CRACR2A: variants seen among roughly 807,000 people sequenced by gnomAD.
The protein encoded by CRACR2A is calcium release activated channel regulator 2A.
Under a neutral mutation model 90.5 loss-of-function variants are expected in CRACR2A, and 79 were observed. That is an observed-to-expected ratio of 0.87 (90% CI 0.73 to 1.05). The LOEUF (loss-of-function observed/expected upper bound fraction) is 1.05, where lower values mean the gene tolerates loss of function less well. Among genes scored for constraint, CRACR2A ranks in the 50% least tolerant of loss-of-function variants. The pLI is 0.00. For missense variants in CRACR2A, 823 were observed against 897.2 expected, an observed-to-expected ratio of 0.92 and a Z score of 1.06; for synonymous variants, 338 against 356.7, an observed-to-expected ratio of 0.95 and a Z score of 0.59.
Position 3,656,355 on chromosome 12 carries a change from A to C in CRACR2A, c.814T>G (p.Cys272Gly). The change falls in exon 9 of 20, where the codon TGT becomes GGT. Residue 272 changes from cysteine to glycine, a missense_variant. Cys to Gly is a radical substitution (Grantham distance 159). Coordinates refer to ENST00000440314, the MANE Select transcript of CRACR2A (RefSeq NM_001144958.2). ...AGCTGCTCCAGCTCCTGCTCCTTACATAACAGTTTCTGCTCCAGCTCTTGA... is the reference window on the plus strand; with the variant it reads ...AGCTGCTCCAGCTCCTGCTCCTTACCTAACAGTTTCTGCTCCAGCTCTTGA... ...RSQELEQKLL[C>G]KEQELEQLTQ... 1 of 1,614,094 alleles carries C rather than the reference A, an allele frequency of 6.2e-7. No homozygotes were observed. The highest frequency in any genetic ancestry group is 8.5e-7 in the Non-Finnish European group (1 of 1,180,026).
chr12:3,662,046 A>C (rs1945048449), intron 7 of CRACR2A, among the ~76,000 whole-genome samples: 1 of 152,200 alleles, frequency 6.6e-6, no homozygotes, highest in African/African-American at 2.4e-5. Flanking sequence ...TTATTTTACA[A>C]ACCACTAAAA....
intron 12 of CRACR2A, among the ~76,000 whole-genome samples, chr12:3,642,527 G>T (rs1226581188): frequency 6.6e-6 from 1 of 152,050 alleles, no homozygotes; most frequent in Non-Finnish European, 1.5e-5. Flanking sequence ...ATAGAAAAAA[G>T]AAAAAATATT....
intron 15 of CRACR2A, 129 bp from the exon 16 acceptor site, chr12:3,627,835 G>A (rs575520176): frequency 3.3e-6 from 3 of 915,892 alleles, no homozygotes; most frequent in African/African-American, 1.6e-5. Context: ...TGTGCAGCTC[G>A]TGGGAGGCAA....
At position 3,649,773 on chromosome 12, in the gene CRACR2A, A is replaced by G. The variant is rs1364109848; in HGVS notation, c.1047-1160T>C. ...AAATAGTTGTAGGAAGAAAGAAAAG[A>G]GAGAGAGTAAAAGAGGTGAGGGGGA... On this transcript the variant is annotated intron_variant, in intron 10 of 19. Transcript: ENST00000440314. Among the ~76,000 whole-genome samples, 3 of 151,788 alleles carry G rather than the reference A, an allele frequency of 2.0e-5. No individual in the cohort carries two copies. In the East Asian group the frequency reaches 5.8e-4, roughly 29 times the overall value.
intron 2 of CRACR2A, among the ~76,000 whole-genome samples, chr12:3,713,871 C>T (rs1946043942): frequency 6.6e-6 from 1 of 152,180 alleles, no homozygotes; most frequent in Non-Finnish European, 1.5e-5. Flanking sequence ...GGATGGGCTT[C>T]CTTGCACAGG....
chr12:3,619,378 G>A lies in CRACR2A; in HGVS notation c.1933-6C>T. The A allele has an allele frequency of 6.4e-7, 1 of 1,551,046 alleles. No homozygotes were observed. Among genetic ancestry groups the A allele is most frequent in the Non-Finnish European group, 8.7e-7 (1 of 1,146,488 alleles). On this transcript the variant is annotated splice_region_variant and splice_polypyrimidine_tract_variant and intron_variant, in intron 17 of 19. Transcript: ENST00000440314. The stretch of plus-strand genomic sequence containing the variant: ...ACCCGGTCTCCCACAGCTTCCTGCA[G>A]AACAGAAAATGTTTTCAACTGAGAG...
chr12:3,677,003 T>G (rs1020990371), intron 6 of CRACR2A, among the ~76,000 whole-genome samples: 1 of 152,066 alleles, frequency 6.6e-6, no homozygotes. Flanking sequence ...CAACTTTTGA[T>G]GAAAAACAAG....
intron 1 of CRACR2A, among the ~76,000 whole-genome samples, chr12:3,747,404 G>T (rs1334239956): frequency 6.6e-6 from 1 of 152,196 alleles, no homozygotes. Flanking sequence ...TTCCGTCTTT[G>T]GTCAAGGTGG....
At chr12:3,641,631 C>T in intron 13 of CRACR2A, 101 bp downstream of exon 13, 1 of 995,698 alleles carries the variant, frequency 1.0e-6, no homozygotes, top group South Asian at 1.5e-5. Flanking sequence ...ACCTCAGTTT[C>T]CGCACCTCTC....
chr12:3,717,402 T>C (rs950354637), intron 2 of CRACR2A, among the ~76,000 whole-genome samples: 5 of 152,186 alleles, frequency 3.3e-5, no homozygotes, highest in African/African-American at 1.2e-4. Flanking sequence ...TGCTTGCATA[T>C]ATCCATACGC....
At chr12:3,643,585 T>G (rs1408254540) in intron 12 of CRACR2A, among the ~76,000 whole-genome samples, 1 of 150,700 alleles carries the variant, frequency 6.6e-6, no homozygotes, top group Admixed American at 6.7e-5. Context: ...GGCTCCTGTC[T>G]AAAGGGAAAG....
intron 2 of CRACR2A, among the ~76,000 whole-genome samples, chr12:3,724,554 G>A (rs1370182687): frequency 6.6e-6 from 1 of 152,224 alleles, no homozygotes; most frequent in Non-Finnish European, 1.5e-5. Context: ...TCTAAGCATA[G>A]GAGAAAATGG....
Position 3,668,198 on chromosome 12 carries a change from T to C in CRACR2A, c.671+5248A>G, listed in dbSNP as rs1024545644. ...TAGATTAAGTCACAACCTCGTCACCTAGAGTCCTCGCCGAGAACTTCACCC... is the reference window on the plus strand; with the variant it reads ...TAGATTAAGTCACAACCTCGTCACCCAGAGTCCTCGCCGAGAACTTCACCC... On this transcript the variant is annotated intron_variant, in intron 7 of 19. Transcript: ENST00000440314. 2.0e-5 allele frequency among the ~76,000 whole-genome samples: 3 copies of C among 152,184 alleles called. No homozygotes were observed. The East Asian group carries it at 5.8e-4, about 29-fold the overall frequency.
intron 18 of CRACR2A, 26 bp from the exon 19 acceptor site, chr12:3,617,056 C>T (rs1867700267): frequency 2.0e-6 from 3 of 1,529,476 alleles, no homozygotes; most frequent in East Asian, 4.9e-5. Flanking sequence ...AGAGCGAATA[C>T]AAGAGTATTG....
chr12:3,679,629 G>T (rs1030299773), intron 5 of CRACR2A, among the ~76,000 whole-genome samples: 4 of 152,180 alleles, frequency 2.6e-5, no homozygotes, highest in Non-Finnish European at 5.9e-5. Context: ...GTCAGGAAAG[G>T]CATCAGATAC....
chr12:3,737,903 C>T (rs60731754), intron 1 of CRACR2A, among the ~76,000 whole-genome samples: 1,533 of 152,330 alleles, frequency 0.01, 27 homozygotes, highest in African/African-American at 0.035. Flanking sequence ...AGCCTCTCAT[C>T]GATAAAATGA....
chr12:3,640,824 C>T (rs2137374781), intron 13 of CRACR2A: 2 of 1,303,140 alleles, frequency 1.5e-6, no homozygotes, highest in Non-Finnish European at 2.0e-6. Context: ...GGGCAGGGGA[C>T]TGGTTTGTCT....
intron 2 of CRACR2A, among the ~76,000 whole-genome samples, chr12:3,720,361 AAGAG>A (rs1179411819): frequency 4.1e-4 from 55 of 132,644 alleles, no homozygotes; most frequent in Non-Finnish European, 3.9e-4. Context: ...AAAGGAAAGA[AAGAG>A]AGAGAGAAAC....
At chr12:3,721,056 C>G (rs1178266770) in intron 2 of CRACR2A, among the ~76,000 whole-genome samples, 1 of 152,172 alleles carries the variant, frequency 6.6e-6, no homozygotes, top group East Asian at 1.9e-4. Context: ...CTGGCCAGCA[C>G]TTTCTAGTGC....
Sources: allele counts gnomAD v4.1 joint callset (sites outside exome capture counted in the v4.1 genomes callset), GRCh38; gene constraint gnomAD v4.1.1; transcripts MANE v1.5; gene names NCBI Gene and HGNC (gene_info 2026-07-23, HGNC 2026-07-21).